PNPT1: variants seen among roughly 807,000 people sequenced by gnomAD.
PNPT1 encodes the protein polyribonucleotide nucleotidyltransferase 1, mitochondrial.
A neutral mutation model predicts 119.5 loss-of-function variants in PNPT1; 53 were observed. The observed-to-expected ratio is 0.44, with a 90% CI of 0.36 to 0.56. The LOEUF (loss-of-function observed/expected upper bound fraction) is 0.56. PNPT1 is among the 20% of genes least tolerant of loss of function. PNPT1 has a pLI of 0.00. For synonymous variants in PNPT1, 357 were observed against 322.1 expected (o/e 1.11, Z -1.16); for missense variants, 948 against 938.5 (o/e 1.01, Z -0.13).
chr2:55,651,980 T>A (rs1696226970), intron 18 of PNPT1, among the ~76,000 whole-genome samples: 1 of 151,680 alleles, frequency 6.6e-6, no homozygotes, highest in South Asian at 2.1e-4. Context: ...CACACTACAC[T>A]GTAACTTCTT....
At chr2:55,643,916 A>G (rs577449167) in intron 23 of PNPT1, among the ~76,000 whole-genome samples, 87 of 152,316 alleles carry the variant, frequency 5.7e-4, no homozygotes, top group African/African-American at 1.9e-3. Context: ...GGTACCTGGC[A>G]TTATACTAGG....
intron 17 of PNPT1, 134 bp downstream of exon 17, chr2:55,655,997 T>G (rs1010334588): frequency 1.3e-5 from 14 of 1,076,040 alleles, no homozygotes; most frequent in African/African-American, 1.3e-4. Flanking sequence ...TTTGATTAAC[T>G]CAATACATTT....
intron 13 of PNPT1, 151 bp from the exon 14 acceptor site, chr2:55,662,177 AT>A: frequency 1.7e-6 from 1 of 584,912 alleles, no homozygotes; most frequent in Non-Finnish European, 2.8e-6. Flanking sequence ...TTAAACACTT[AT>A]TTATTCTATA....
chr2:55,667,551 A>T (rs910327210), intron 12 of PNPT1, among the ~76,000 whole-genome samples: 2 of 150,626 alleles, frequency 1.3e-5, no homozygotes, highest in African/African-American at 4.9e-5. Context: ...CCGAGATTGC[A>T]CTCCAGCCTG....
intron 15 of PNPT1, among the ~76,000 whole-genome samples, chr2:55,658,618 A>G (rs1320272119): frequency 5.3e-5 from 8 of 152,260 alleles, no homozygotes; most frequent in Non-Finnish European, 1.0e-4. Flanking sequence ...CCCTTACCCA[A>G]TAATCAGCTA....
At chr2:55,672,573 G>C (rs1189068804) in intron 9 of PNPT1, among the ~76,000 whole-genome samples, 2 of 152,196 alleles carry the variant, frequency 1.3e-5, no homozygotes, top group African/African-American at 4.8e-5. Flanking sequence ...TTCTTTTTGA[G>C]AATTCCAACA....
At chr2:55,668,770 G>A (rs1200752719) in intron 11 of PNPT1, among the ~76,000 whole-genome samples, 1 of 151,908 alleles carries the variant, frequency 6.6e-6, no homozygotes, top group Non-Finnish European at 1.5e-5. Flanking sequence ...TGGCTAATTT[G>A]TGTATCTTTA....
Position 55,684,861 on chromosome 2 carries a change from T to C in PNPT1, c.403+82A>G, listed in dbSNP as rs568572593. On this transcript the variant is annotated intron_variant, in intron 4 of 27. Transcript: ENST00000447944. ...ATGCTATGAAGGAAAACTTAAGACTTATTGTAGAACACAGATGCAAGAGAA... is the reference window on the plus strand; with the variant it reads ...ATGCTATGAAGGAAAACTTAAGACTCATTGTAGAACACAGATGCAAGAGAA... 1.2e-5 allele frequency: 17 copies of C among 1,360,720 alleles called. No individual in the cohort carries two copies. In the African/African-American group the frequency reaches 2.0e-4, roughly 16 times the overall value. 84.3% of individuals were successfully genotyped at this position (1,360,720 alleles called of 1,614,324 possible).
chr2:55,641,678 C>T lies in PNPT1; in HGVS notation c.2070-973G>A, dbSNP rs114435414. ...AAGCCATCCCATTTCTTATTTTTCA[C>T]CTGCAATATTAAACAAATTATCTCC... is the stretch of plus-strand genomic sequence containing the variant. On this transcript the variant is annotated intron_variant, in intron 25 of 27. Transcript: ENST00000447944. Among the ~76,000 whole-genome samples, 64 of 152,144 alleles carry T rather than the reference C, an allele frequency of 4.2e-4. 2 individuals carry two copies. Among genetic ancestry groups the T allele is most frequent in the African/African-American group, 1.3e-3 (55 of 41,514 alleles).
intron 8 of PNPT1, among the ~76,000 whole-genome samples, chr2:55,677,905 A>AT (rs1318943444): frequency 8.0e-5 from 12 of 150,492 alleles, no homozygotes; most frequent in Non-Finnish European, 1.2e-4. Context: ...CGCCCGGCTA[A>AT]TTTTTTTTTG....
chr2:55,654,613 T>TA (rs1254172897), intron 18 of PNPT1, among the ~76,000 whole-genome samples: 2 of 152,252 alleles, frequency 1.3e-5, no homozygotes, highest in African/African-American at 4.8e-5. Flanking sequence ...TCTGAAGCTC[T>TA]ACTTTTCAGC....
In PNPT1 at chr2:55,651,250, G is replaced by C. The variant is rs1319247809; in HGVS notation, c.1495+3650C>G. ...TGGGAAGTGAGGAGCCCCTCTGCCCGGCCACCACCCCGTCTGGGAGGTGTG... is the reference window on the plus strand; with the variant it reads ...TGGGAAGTGAGGAGCCCCTCTGCCCCGCCACCACCCCGTCTGGGAGGTGTG... On this transcript the variant is annotated intron_variant, in intron 18 of 27. Transcript: ENST00000447944. Among the ~76,000 whole-genome samples, 690 of 151,170 alleles carry C rather than the reference G, an allele frequency of 4.6e-3. 7 individuals are homozygous for C. Among genetic ancestry groups the C allele is most frequent in the African/African-American group, 0.016 (666 of 41,106 alleles).
chr2:55,693,679 C>T lies in PNPT1; in HGVS notation c.145G>A (p.Val49Met), dbSNP rs1248629548. The T allele has an allele frequency of 1.9e-6, 3 of 1,614,240 alleles. No homozygotes were observed. Among genetic ancestry groups the T allele is most frequent in the Non-Finnish European group, 2.5e-6 (3 of 1,180,032 alleles). ...ACTCCTTACCTGTTGCCTAAGTCCA[C>T]GGCCACAGCTCGAGACCCTGCGCTA... ...WSSAGSRAVA[V>M]DLGNRKLEIS... The change falls in exon 1 of 28, where the codon GTG becomes ATG. Residue 49 changes from valine (V) to methionine (M), a missense_variant. Coordinates refer to ENST00000447944, the MANE Select transcript of PNPT1 (RefSeq NM_033109.5).
chr2:55,650,254 T>C, intron 18 of PNPT1, among the ~76,000 whole-genome samples: 2 of 152,208 alleles, frequency 1.3e-5, no homozygotes, highest in Non-Finnish European at 2.9e-5. Flanking sequence ...CTGATTCTCC[T>C]GCCTCAGCCT....
chr2:55,667,750 T>C (rs1696780844), intron 12 of PNPT1, 112 bp downstream of exon 12: 1 of 1,342,016 alleles, frequency 7.5e-7, no homozygotes, highest in African/African-American at 1.5e-5. Context: ...ATATTATAAT[T>C]CTTTACTGTT....
In PNPT1 at chr2:55,693,794, G is replaced by C. The variant is rs1443491433; in HGVS notation, c.30C>G (p.Cys10Trp). Residue 10 changes from cysteine (C) to tryptophan (W), a missense_variant, in exon 1 of 28, where the codon TGC becomes TGG. By Grantham distance (215) the Cys-to-Trp change is radical. Coordinates refer to ENST00000447944, the MANE Select transcript of PNPT1 (RefSeq NM_033109.5). ...CATCGCTCAGGGGCCGGAGCCGGAG[G>C]CACGAGCAGCAGTACCTGCAGGCCG... The part of the protein sequence containing the change: MAACRYCCS[C>W]LRLRPLSDGP... The C allele has an allele frequency of 6.2e-7, 1 of 1,613,960 alleles. No homozygotes were observed. Among genetic ancestry groups the C allele is most frequent in the Admixed American group, 1.7e-5 (1 of 60,032 alleles).
chr2:55,672,020 A>T lies in PNPT1; in HGVS notation c.893T>A (p.Val298Asp), dbSNP rs1369831810. ...HKLAMERLYA[V>D]FTDYEHDKVS... ...TTTGTCATGCTCGTAATCTGTAAAA[A>T]CTGCATAGAGTCTCTCCATAGCAAG... Residue 298 changes from valine to aspartate, a missense_variant, in exon 10 of 28, where the codon GTT becomes GAT. Coordinates refer to ENST00000447944, the MANE Select transcript of PNPT1 (RefSeq NM_033109.5). 8 of 1,603,588 alleles carry T rather than the reference A, an allele frequency of 5.0e-6. No homozygotes were observed. The highest frequency in any genetic ancestry group is 6.8e-6 in the Non-Finnish European group (8 of 1,175,440).
At chr2:55,638,799 G>A (rs1209129722) in intron 26 of PNPT1, among the ~76,000 whole-genome samples, 1 of 150,678 alleles carries the variant, frequency 6.6e-6, no homozygotes, top group African/African-American at 2.4e-5. Flanking sequence ...TTTTGAGATG[G>A]AGTCTCGCTC....
intron 5 of PNPT1, among the ~76,000 whole-genome samples, chr2:55,681,216 G>C (rs1186863353): frequency 6.6e-6 from 1 of 152,046 alleles, no homozygotes; most frequent in Non-Finnish European, 1.5e-5. Context: ...AGACTAGTCT[G>C]ACCAACATGG....
Sources: gnomAD v4.1 joint callset for allele counts (sites outside exome capture counted in the v4.1 genomes callset) on GRCh38, gnomAD v4.1.1 for gene constraint, MANE v1.5 for transcripts, NCBI Gene and HGNC (gene_info 2026-07-23, HGNC 2026-07-21) for gene names.